RAP1B: variants seen among roughly 807,000 people sequenced by gnomAD.
RAP1B encodes the protein RAP1B, member of RAS oncogene family.
A neutral mutation model predicts 27.5 loss-of-function variants in RAP1B; 1 was observed. The observed-to-expected ratio is 0.04, with a 90% CI of 0.01 to 0.17. RAP1B has a LOEUF of 0.17. RAP1B is among the 10% of genes least tolerant of loss of function. The pLI, the probability that RAP1B is intolerant of heterozygous loss-of-function variation, is 1.00. For missense variants in RAP1B, 84 were observed against 214.8 expected, an observed-to-expected ratio of 0.39 and a Z score of 3.81; for synonymous variants, 75 against 73.1, an observed-to-expected ratio of 1.03 and a Z score of -0.13.
chr12:68,661,521 T>C lies in RAP1B; in HGVS notation c.*2272T>C, dbSNP rs1874593342. The C allele has an allele frequency of 6.6e-6, 1 of 152,064 alleles. No individual in the cohort carries two copies. Among genetic ancestry groups the C allele is most frequent in the African/African-American group, 2.4e-5 (1 of 41,400 alleles). The allele number at this position is 152,064 out of a possible 1,614,324, so 9.4% of individuals were successfully genotyped here. A position where few individuals can be genotyped will look rare whatever the true frequency, so the allele number is the denominator to read the frequency against. ...AATGCTGCCCTCCTAGAATTTATAT[T>C]CTATTGAAGAGTTTCTCAGCCTCAG... On this transcript the variant is annotated 3_prime_UTR_variant, in exon 8 of 8. Coordinates refer to ENST00000250559, the MANE Select transcript of RAP1B (RefSeq NM_001010942.3).
rs1874912626 is a variant in RAP1B, at chr12:68,667,697, TA to T, written c.*8450del. 6.6e-6 allele frequency: 1 copy of T among 152,232 alleles called. No homozygotes were observed. The highest frequency in any genetic ancestry group is 2.4e-5 in the African/African-American group (1 of 41,466). 9.4% of individuals were successfully genotyped at this position (152,232 alleles called of 1,614,324 possible). On this transcript the variant is annotated 3_prime_UTR_variant, in exon 8 of 8. Transcript: ENST00000250559. ...CAGAAGTCAATTCAGTCATTCTCTA[TA>T]AGAGCTGTTGTGGAAAAAGTTCTCA...
rs58656248 is a variant in RAP1B, at chr12:68,637,599, C to CAAAA, written c.-26-11074_-26-11071dup. ...GGGTGACAAGAGTAAAACTCCATCT[C>CAAAA]AAAAAAAAAAAAAAAAAAAAAAAAA... is the stretch of plus-strand genomic sequence containing the variant. On this transcript the variant is annotated intron_variant, in intron 1 of 7. Transcript: ENST00000250559. Among the ~76,000 whole-genome samples, 34 of 34,254 alleles carry CAAAA rather than the reference C, an allele frequency of 9.9e-4. 1 individual carries two copies. The highest frequency in any genetic ancestry group is 1.7e-3 in the South Asian group (1 of 578). The allele number at this position is 34,254 out of a possible 152,430, so 22.5% of individuals were successfully genotyped here. A position where few individuals can be genotyped will look rare whatever the true frequency, so the allele number is the denominator to read the frequency against.
chr12:68,613,214 G>A (rs1457020191), intron 1 of RAP1B, among the ~76,000 whole-genome samples: 3 of 151,888 alleles, frequency 2.0e-5, no homozygotes, highest in Non-Finnish European at 4.4e-5. Context: ...ACAAAACATA[G>A]CCGGGTGTAG....
At chr12:68,642,798 A>G (rs1298152645) in intron 1 of RAP1B, 1 of 1,035,090 alleles carries the variant, frequency 9.7e-7, no homozygotes, top group Non-Finnish European at 1.5e-6. Flanking sequence ...TCATCCACCA[A>G]ACCGGCCTTG....
chr12:68,656,204 A>G (rs1874193445), intron 5 of RAP1B, 102 bp from the exon 6 acceptor site: 6 of 1,002,580 alleles, frequency 6.0e-6, no homozygotes, highest in South Asian at 3.3e-5. Context: ...TTTTTGTGGC[A>G]TATGAAAAGT....
chr12:68,649,638 TAGAA>T (rs1217790166), intron 2 of RAP1B: 2 of 152,192 alleles, frequency 1.3e-5, no homozygotes, highest in Non-Finnish European at 2.9e-5. Flanking sequence ...CTTGGCCACT[TAGAA>T]AGGCCACCTA....
chr12:68,635,965 G>A (rs1872604111), intron 1 of RAP1B, among the ~76,000 whole-genome samples: 1 of 151,686 alleles, frequency 6.6e-6, no homozygotes, highest in Non-Finnish European at 1.5e-5. Flanking sequence ...TGCAAATTCC[G>A]CCTCCTGGAT....
rs1375801131 is a variant in RAP1B at position 68,650,782 on chromosome 12, CTTTT to C, written c.126+316_126+319del. On this transcript the variant is annotated intron_variant, in intron 3 of 7. Transcript: ENST00000250559. ...AGACTGATTACTCTCAAGCTCCCTTCTTTTTAACCTAGAAATAGGTGGACACAGG... is the reference window on the plus strand; with the variant it reads ...AGACTGATTACTCTCAAGCTCCCTTCTAACCTAGAAATAGGTGGACACAGG... 131 of 163,446 alleles carry C rather than the reference CTTTT, an allele frequency of 8.0e-4. 1 individual carries two copies. The highest frequency in any genetic ancestry group is 3.0e-3 in the African/African-American group (127 of 42,000). The allele number at this position is 163,446 out of a possible 1,614,324, so 10.1% of individuals were successfully genotyped here.
At position 68,671,637 on chromosome 12, in the gene RAP1B, A is replaced by G. The variant is rs928633051; in HGVS notation, c.*12388A>G. 1.3e-5 allele frequency: 2 copies of G among 152,178 alleles called. No individual in the cohort carries two copies. Among genetic ancestry groups the G allele is most frequent in the African/African-American group, 4.8e-5 (2 of 41,438 alleles). The allele number at this position is 152,178 out of a possible 1,614,324, so 9.4% of individuals were successfully genotyped here. A position where few individuals can be genotyped will look rare whatever the true frequency, so the allele number is the denominator to read the frequency against. ...GAAGGATATTTACCAAGTTGTTAAT[A>G]TGCATTACCTGACATGGTGATATAG... is the stretch of plus-strand genomic sequence containing the variant. On this transcript the variant is annotated 3_prime_UTR_variant, in exon 8 of 8. Transcript: ENST00000250559.
intron 1 of RAP1B, among the ~76,000 whole-genome samples, chr12:68,614,796 A>G (rs1033940455): frequency 6.6e-6 from 1 of 152,214 alleles, no homozygotes; most frequent in South Asian, 2.1e-4. Flanking sequence ...TCTGGAAGCT[A>G]GTGTTTTTCT....
intron 4 of RAP1B, 68 bp from the exon 5 acceptor site, chr12:68,654,037 TTATAGAC>T (rs1358555442): frequency 1.6e-6 from 2 of 1,270,374 alleles, no homozygotes; most frequent in African/African-American, 3.0e-5. Flanking sequence ...TGAGCTATAA[TTATAGAC>T]TGTGAAAATT....
intron 4 of RAP1B, among the ~76,000 whole-genome samples, chr12:68,652,804 T>C (rs376941057): frequency 7.9e-5 from 12 of 152,342 alleles, no homozygotes; most frequent in African/African-American, 2.6e-4. Context: ...TTGAAAAGTT[T>C]AGAAAATGTG....
intron 1 of RAP1B, among the ~76,000 whole-genome samples, chr12:68,636,774 CT>C (rs1159267949): frequency 6.6e-6 from 1 of 152,038 alleles, no homozygotes; most frequent in African/African-American, 2.4e-5. Flanking sequence ...CTGCCTCAGC[CT>C]CCGGAGTAGC....
chr12:68,650,782 CT>C (rs1375801131), intron 3 of RAP1B: 7 of 163,328 alleles, frequency 4.3e-5, no homozygotes, highest in African/African-American at 1.7e-4. Context: ...AAGCTCCCTT[CT>C]TTTTAACCTA....
In RAP1B at chr12:68,663,439, GTTTCC is replaced by G. The variant is rs1209092136; in HGVS notation, c.*4193_*4197del. 2 of 152,156 alleles carry G rather than the reference GTTTCC, an allele frequency of 1.3e-5. No homozygotes were observed. Among genetic ancestry groups the G allele is most frequent in the African/African-American group, 4.8e-5 (2 of 41,446 alleles). The allele number at this position is 152,156 out of a possible 1,614,324, so 9.4% of individuals were successfully genotyped here. On this transcript the variant is annotated 3_prime_UTR_variant, in exon 8 of 8. Transcript: ENST00000250559. ...GAGAACAGAACTAAACTTTATATAT[GTTTCC>G]TTAACTATTGGGAGGAAAATGGATG... is the stretch of plus-strand genomic sequence containing the variant.
intron 4 of RAP1B, 85 bp downstream of exon 4, chr12:68,652,136 G>A (rs745854374): frequency 3.5e-5 from 38 of 1,070,900 alleles, no homozygotes; most frequent in Non-Finnish European, 5.1e-5. Flanking sequence ...ACAAATATTA[G>A]TTAAGCTTAT....
At chr12:68,630,821 C>T (rs1211299728) in intron 1 of RAP1B, among the ~76,000 whole-genome samples, 2 of 152,066 alleles carry the variant, frequency 1.3e-5, no homozygotes, top group African/African-American at 4.8e-5. Flanking sequence ...GGTGGAACTA[C>T]AGGCGCAGGC....
chr12:68,631,956 A>G (rs1190534853), intron 1 of RAP1B, among the ~76,000 whole-genome samples: 1 of 152,100 alleles, frequency 6.6e-6, no homozygotes, highest in Non-Finnish European at 1.5e-5. Context: ...TTCCTCAGAC[A>G]TGAGACTTTC....
Position 68,619,099 on chromosome 12 carries a change from C to T in RAP1B, c.-27+8056C>T, listed in dbSNP as rs114963683. On this transcript the variant is annotated intron_variant, in intron 1 of 7. Transcript: ENST00000250559. ...TGGGTGACAGAGCAAGACCCTGTCT[C>T]GAAAAACAAAACAAAAACACTTGGC... Among the ~76,000 whole-genome samples the T allele has an allele frequency of 1.4e-3, 218 of 152,184 alleles. 1 individual carries two copies. Among genetic ancestry groups the T allele is most frequent in the African/African-American group, 5.1e-3 (210 of 41,510 alleles).
Sources: allele counts gnomAD v4.1 joint callset (sites outside exome capture counted in the v4.1 genomes callset), GRCh38; gene constraint gnomAD v4.1.1; transcripts MANE v1.5; gene names NCBI Gene and HGNC (gene_info 2026-07-23, HGNC 2026-07-21).